SPTBN4: variants seen among roughly 807,000 people sequenced by gnomAD.
The protein encoded by SPTBN4 is spectrin beta chain, non-erythrocytic 4.
A neutral mutation model predicts 277.8 loss-of-function variants in SPTBN4; 96 were observed. The ratio of observed to expected loss-of-function variants is 0.35; its 90% CI spans 0.29 to 0.41. The LOEUF is 0.41. Among genes scored for constraint, SPTBN4 ranks in the 10% least tolerant of loss-of-function variants. The probability of loss-of-function intolerance (pLI) is 1.00; values close to 1 mark genes in which losing one functional copy is unlikely to be tolerated. For missense variants in SPTBN4, 3,006 were observed against 3,595.7 expected (o/e 0.84, Z 4.19); for synonymous variants, 1,481 against 1,580.3 (o/e 0.94, Z 1.49).
chr19:40,467,449 C>T (rs45519837), intron 1 of SPTBN4, 144 bp downstream of exon 1: 7,507 of 152,666 alleles, frequency 0.049, 222 homozygotes, highest in African/African-American at 0.064. Context: ...AGGACGAGCC[C>T]ACAACCCCCC....
chr19:40,499,768 TCAGGAAAC>T, intron 7 of SPTBN4, among the ~76,000 whole-genome samples: 1 of 151,988 alleles, frequency 6.6e-6, no homozygotes, highest in Non-Finnish European at 1.5e-5. Flanking sequence ...ACACTGAAAA[TCAGGAAAC>T]CAGACCTTAT....
At chr19:40,477,842 G>A (rs2079966027) in intron 2 of SPTBN4, among the ~76,000 whole-genome samples, 1 of 152,044 alleles carries the variant, frequency 6.6e-6, no homozygotes, top group African/African-American at 2.4e-5. Flanking sequence ...GTGGAAGCCA[G>A]ATCCTTTTTT....
intron 20 of SPTBN4, among the ~76,000 whole-genome samples, chr19:40,542,025 G>A (rs1182533399): frequency 1.3e-5 from 2 of 152,138 alleles, no homozygotes; most frequent in African/African-American, 2.4e-5. Context: ...GGATTCCAGC[G>A]ATTCTCCTGC....
rs750647706 is a variant in SPTBN4 at position 40,549,200 on chromosome 19, G to T, written c.4371G>T (p.Ser1457=). ...SQLKKLQSME[S]QVEEWYREVG... ...CTCTGTCCCCACAGTCCATGGAGTC[G>T]CAGGTGGAGGAGTGGTACCGCGAGG... is the stretch of plus-strand genomic sequence containing the variant. The change falls in exon 21 of 36, where the codon TCG becomes TCT. Residue 1457 remains serine, a synonymous_variant. Transcript: ENST00000598249. 1.9e-6 allele frequency: 3 copies of T among 1,546,002 alleles called. No homozygotes were observed. Among genetic ancestry groups the T allele is most frequent in the East Asian group, 2.4e-5 (1 of 40,876 alleles).
chr19:40,488,252 T>G (rs1599721815), intron 3 of SPTBN4, among the ~76,000 whole-genome samples: 2 of 146,300 alleles, frequency 1.4e-5, no homozygotes, highest in Admixed American at 6.9e-5. Flanking sequence ...GGGTTGGGGG[T>G]GGGTAGTGGA....
At chr19:40,526,198 A>T (rs113855880) in intron 17 of SPTBN4, among the ~76,000 whole-genome samples, 13,247 of 109,432 alleles carry the variant, frequency 0.12, 721 homozygotes, top group Middle Eastern at 0.29. Context: ...TTTGAGATGG[A>T]GTCTCACTCT....
chr19:40,470,718 C>T (rs1051018210), intron 1 of SPTBN4, among the ~76,000 whole-genome samples: 77 of 151,364 alleles, frequency 5.1e-4, no homozygotes, highest in African/African-American at 1.8e-3. Context: ...TTGCAACCTG[C>T]GCCTCCTGGG....
chr19:40,561,476 A>C (rs1363287142), intron 27 of SPTBN4, among the ~76,000 whole-genome samples: 1 of 152,236 alleles, frequency 6.6e-6, no homozygotes, highest in Admixed American at 6.5e-5. Flanking sequence ...AGCAAGGCCA[A>C]GCACTTGCCC....
chr19:40,532,766 G>C lies in SPTBN4; in HGVS notation c.4090G>C (p.Glu1364Gln), dbSNP rs760167885. Residue 1364 changes from glutamate to glutamine, a missense_variant, in exon 19 of 36, where the codon GAG becomes CAG. Physicochemically the swap from Glu to Gln is conservative, Grantham distance 29 (BLOSUM62 2). Around this residue, in one of 5 missense-constraint regions of SPTBN4, gnomAD observed 1,759 missense variants for 2,061.5 expected, o/e 0.85. Transcript: ENST00000598249. ...AQNKEWLEKI[E>Q]REGQQLMQEK... ...GAATAAGGAGTGGCTGGAGAAGATC[G>C]AGCGGGTGAGGAAGCTGATGGCCCC... 6.2e-7 allele frequency: 1 copy of C among 1,610,348 alleles called. No homozygotes were observed. Among genetic ancestry groups the C allele is most frequent in the Admixed American group, 1.7e-5 (1 of 59,712 alleles).
At position 40,504,045 on chromosome 19, in the gene SPTBN4, C is replaced by T. The variant is rs1241730081; in HGVS notation, c.1578C>T (p.Ala526=). 6.2e-7 allele frequency: 1 copy of T among 1,612,784 alleles called. No individual in the cohort carries two copies. Residue 526 remains alanine, a synonymous_variant, in exon 12 of 36, where the codon GCC becomes GCT. Transcript: ENST00000598249. ...CCCTGCTAACTGGGCTTGTGGGTGCCCGGCGGACACGACTTGAGCAGAACC... is the reference window on the plus strand; with the variant it reads ...CCCTGCTAACTGGGCTTGTGGGTGCTCGGCGGACACGACTTGAGCAGAACC... The part of the protein sequence containing the change: ...QWALLTGLVG[A]RRTRLEQNLA...
rs755319345 is a variant in SPTBN4 at position 40,493,048 on chromosome 19, C to T, written c.581C>T (p.Thr194Ile). 8 of 1,613,956 alleles carry T rather than the reference C, an allele frequency of 5.0e-6. No homozygotes were observed. The African/African-American group carries it at 9.3e-5, about 19-fold the overall frequency. The change falls in exon 5 of 36, where the codon ACA becomes ATA. Residue 194 changes from threonine (T) to isoleucine (I), a missense_variant. Thr to Ile is a moderately conservative substitution (Grantham distance 89). Transcript: ENST00000598249. ...DALLLWCQMK[T>I]AGYPEVNIQN... is the part of the protein sequence containing the mutation. Reference sequence around the variant, plus strand: ...CTGCTCTTGTGGTGTCAGATGAAGACAGCTGGGTAAGCACCCCCACCACCT... The same window carrying T: ...CTGCTCTTGTGGTGTCAGATGAAGATAGCTGGGTAAGCACCCCCACCACCT...
At chr19:40,553,215 C>T (rs2080938038) in intron 22 of SPTBN4, among the ~76,000 whole-genome samples, 3 of 152,236 alleles carry the variant, frequency 2.0e-5, no homozygotes, top group Admixed American at 2.0e-4. Context: ...CACAGTGGCT[C>T]ATGCTTATAA....
intron 13 of SPTBN4, among the ~76,000 whole-genome samples, chr19:40,506,594 C>CT (rs996696348): frequency 1.3e-5 from 2 of 152,214 alleles, no homozygotes; most frequent in Admixed American, 1.3e-4. Flanking sequence ...CCTCTTCCTG[C>CT]TTTAGATTCT....
chr19:40,497,401 C>G, intron 6 of SPTBN4, 88 bp from the exon 7 acceptor site: 6 of 924,712 alleles, frequency 6.5e-6, no homozygotes, highest in Non-Finnish European at 1.1e-5. Flanking sequence ...TTGCCCTGGG[C>G]AGTGCTCAGA....
chr19:40,476,775 G>A (rs1432215820), intron 2 of SPTBN4, among the ~76,000 whole-genome samples: 3 of 152,026 alleles, frequency 2.0e-5, no homozygotes, highest in Non-Finnish European at 2.9e-5. Context: ...TTTTAGCAGA[G>A]ATGGGGTTTC....
intron 17 of SPTBN4, among the ~76,000 whole-genome samples, chr19:40,526,647 C>T (rs142768167): frequency 0.012 from 1,886 of 152,134 alleles, 38 homozygotes; most frequent in African/African-American, 0.043. Context: ...TGCAGTGGTG[C>T]GATCACTGCT....
intron 20 of SPTBN4, among the ~76,000 whole-genome samples, chr19:40,540,877 A>G (rs1599783639): frequency 6.6e-6 from 1 of 150,776 alleles, no homozygotes. Flanking sequence ...AAATATTTAT[A>G]TAGTGTTAAA....
At chr19:40,485,785 G>A (rs1016941641) in intron 2 of SPTBN4, among the ~76,000 whole-genome samples, 2 of 151,530 alleles carry the variant, frequency 1.3e-5, no homozygotes, top group South Asian at 2.1e-4. Flanking sequence ...AAGCCTAGGC[G>A]GCAGAGTGAG....
chr19:40,529,152 G>T, intron 18 of SPTBN4, 21 bp downstream of exon 18: 5 of 1,608,452 alleles, frequency 3.1e-6, no homozygotes, highest in Non-Finnish European at 3.4e-6. Flanking sequence ...CAGGTGTGCT[G>T]GGGACGGAGA....
Sources: gnomAD v4.1 joint callset for allele counts (sites outside exome capture counted in the v4.1 genomes callset) on GRCh38, gnomAD v4.1.1 for gene constraint, gnomAD v4.1.1 regional missense constraint, MANE v1.5 for transcripts, NCBI Gene and HGNC (gene_info 2026-07-23, HGNC 2026-07-21) for gene names.